The following BMP5 variants were observed in gnomAD, a reference collection of about 807,000 sequenced individuals.
BMP5 encodes bone morphogenetic protein 5.
BMP5 carries 23 observed loss-of-function variants against 46.6 expected under a neutral mutation model. That is an observed-to-expected ratio of 0.49 (90% CI 0.35 to 0.70). The LOEUF (loss-of-function observed/expected upper bound fraction) is 0.70, where lower values mean the gene tolerates loss of function less well. Ranked by LOEUF, BMP5 falls within the 30% of genes least tolerant of loss-of-function variation. The pLI is 0.00. For synonymous variants in BMP5, 204 were observed against 191.9 expected, an observed-to-expected ratio of 1.06 and a Z score of -0.52; for missense variants, 545 against 565.6, an observed-to-expected ratio of 0.96 and a Z score of 0.37.
At chr6:55,787,706 A>G (rs891299751) in intron 3 of BMP5, among the ~76,000 whole-genome samples, 14 of 151,706 alleles carry the variant, frequency 9.2e-5, no homozygotes, top group Admixed American at 6.6e-4. Context: ...AAAGGAGAGA[A>G]CACAGCAACA....
chr6:55,850,677 C>A (rs1424791835), intron 1 of BMP5, among the ~76,000 whole-genome samples: 1 of 152,292 alleles, frequency 6.6e-6, no homozygotes, highest in South Asian at 2.1e-4. Flanking sequence ...TTGATAAAGG[C>A]ACTGCCATTC....
intron 1 of BMP5, among the ~76,000 whole-genome samples, chr6:55,864,211 T>C (rs78652076): frequency 0.032 from 4,943 of 152,250 alleles, 109 homozygotes; most frequent in Non-Finnish European, 0.051. Context: ...CCCATCACAA[T>C]TAAAAATCTA....
At chr6:55,804,083 A>T (rs116090994) in intron 2 of BMP5, among the ~76,000 whole-genome samples, 2,920 of 152,308 alleles carry the variant, frequency 0.019, 88 homozygotes, top group African/African-American at 0.066. Flanking sequence ...ATCAATCACT[A>T]TCTAGCTTAC....
At position 55,874,759 on chromosome 6, in the gene BMP5, GA is replaced by G; in HGVS notation, c.106del (p.Ser36ProfsTer53). 6.2e-7 allele frequency: 1 copy of G among 1,613,310 alleles called. No individual in the cohort carries two copies. Among genetic ancestry groups the G allele is most frequent in the Non-Finnish European group, 8.5e-7 (1 of 1,179,592 alleles). ...CCGTAGTCTTCTATAAATAAAACTG[GA>G]GTGAACATGATTGTCTCCCAAACCT... ...KGGLGDNHVH[S>X]SFIYRRLRNH... On this transcript the variant is annotated frameshift_variant, in exon 1 of 7. Coordinates refer to ENST00000370830, the MANE Select transcript of BMP5 (RefSeq NM_021073.4). LOFTEE classifies it high-confidence loss of function.
intron 4 of BMP5, among the ~76,000 whole-genome samples, chr6:55,770,833 A>AGATG (rs1775031518): frequency 6.6e-6 from 1 of 151,942 alleles, no homozygotes; most frequent in Admixed American, 6.6e-5. Context: ...GAAGGGAAAG[A>AGATG]GATGGGGTAA....
At chr6:55,792,304 C>T (rs923996930) in intron 3 of BMP5, among the ~76,000 whole-genome samples, 1 of 152,048 alleles carries the variant, frequency 6.6e-6, no homozygotes, top group Non-Finnish European at 1.5e-5. Context: ...AAGGCCAAGG[C>T]GGGCGGATCA....
At position 55,807,491 on chromosome 6, in the gene BMP5, C is replaced by T. The variant is rs528936920; in HGVS notation, c.683+12164G>A. Among the ~76,000 whole-genome samples, 16 of 152,222 alleles carry T rather than the reference C, an allele frequency of 1.1e-4. No homozygotes were observed. In the East Asian group the frequency reaches 2.9e-3, roughly 28 times the overall value. ...AGTATTTTATTGAGGATTTTCACATCGATGTTCATTAGGGATATTGGCCTG... is the reference window on the plus strand; with the variant it reads ...AGTATTTTATTGAGGATTTTCACATTGATGTTCATTAGGGATATTGGCCTG... On this transcript the variant is annotated intron_variant, in intron 2 of 6. Transcript: ENST00000370830.
At position 55,803,527 on chromosome 6, in the gene BMP5, C is replaced by G. The variant is rs144422031; in HGVS notation, c.684-9100G>C. ...GAGTTGGGTAGTGGAATGGAAGCAG[C>G]ACCCAAGTTTATGATTGGATAATTG... On this transcript the variant is annotated intron_variant, in intron 2 of 6. Coordinates refer to ENST00000370830, the MANE Select transcript of BMP5 (RefSeq NM_021073.4). 3.3e-3 allele frequency among the ~76,000 whole-genome samples: 501 copies of G among 152,250 alleles called. 2 individuals carry two copies. The highest frequency in any genetic ancestry group is 0.011 in the African/African-American group (473 of 41,546).
At chr6:55,802,414 A>G (rs889116504) in intron 2 of BMP5, among the ~76,000 whole-genome samples, 2 of 152,196 alleles carry the variant, frequency 1.3e-5, no homozygotes, top group Non-Finnish European at 2.9e-5. Flanking sequence ...ATAGAGTACA[A>G]GAGATCACCT....
At chr6:55,774,317 G>A (rs1775119988) in intron 3 of BMP5, 74 bp from the exon 4 acceptor site, 1 of 1,445,514 alleles carries the variant, frequency 6.9e-7, no homozygotes, top group Non-Finnish European at 9.7e-7. Flanking sequence ...AATTCTGAGG[G>A]TACTTTGAAA....
chr6:55,755,935 C>T (rs867653314), intron 6 of BMP5, among the ~76,000 whole-genome samples: 33 of 151,940 alleles, frequency 2.2e-4, no homozygotes, highest in Middle Eastern at 6.8e-3. Context: ...AGAAAACTTC[C>T]TCTATAGAAT....
intron 1 of BMP5, among the ~76,000 whole-genome samples, chr6:55,846,780 T>C (rs1239537067): frequency 6.6e-6 from 1 of 151,660 alleles, no homozygotes; most frequent in Admixed American, 6.6e-5. Context: ...GATATTTGTA[T>C]TGTTTTATCC....
chr6:55,797,286 C>A (rs1775738554), intron 2 of BMP5, among the ~76,000 whole-genome samples: 3 of 152,120 alleles, frequency 2.0e-5, no homozygotes, highest in Admixed American at 2.0e-4. Flanking sequence ...GTAAAATATC[C>A]TAAGTATTTC....
chr6:55,771,480 C>A (rs1332202055), intron 4 of BMP5, among the ~76,000 whole-genome samples: 3 of 151,818 alleles, frequency 2.0e-5, no homozygotes, highest in Admixed American at 1.3e-4. Context: ...GTTCTATATA[C>A]CTTTACTTGA....
At chr6:55,855,232 T>C (rs1777361103) in intron 1 of BMP5, among the ~76,000 whole-genome samples, 4 of 152,068 alleles carry the variant, frequency 2.6e-5, no homozygotes, top group African/African-American at 9.7e-5. Context: ...TGTTTTTATT[T>C]TTATTCAATT....
chr6:55,841,386 CA>C (rs1322345770), intron 1 of BMP5, among the ~76,000 whole-genome samples: 6 of 151,764 alleles, frequency 4.0e-5, no homozygotes, highest in Admixed American at 2.6e-4. Context: ...TGTTTTTCTC[CA>C]AAAAAAATTT....
At chr6:55,818,978 A>C (rs1776345403) in intron 2 of BMP5, among the ~76,000 whole-genome samples, 1 of 152,158 alleles carries the variant, frequency 6.6e-6, no homozygotes, top group Non-Finnish European at 1.5e-5. Flanking sequence ...AGACAGATAG[A>C]TAGATAGATG....
intron 3 of BMP5, 103 bp from the exon 4 acceptor site, chr6:55,774,346 C>T (rs1341784112): frequency 4.5e-6 from 5 of 1,119,928 alleles, no homozygotes; most frequent in South Asian, 3.9e-5. Context: ...AGTTTTAAAA[C>T]ATTATCAGAA....
At chr6:55,785,451 A>C (rs1582063026) in intron 3 of BMP5, among the ~76,000 whole-genome samples, 1 of 150,162 alleles carries the variant, frequency 6.7e-6, no homozygotes, top group East Asian at 1.9e-4. Flanking sequence ...GGCAAATGAC[A>C]AAAAACTAAA....
Sources: allele counts gnomAD v4.1 joint callset (sites outside exome capture counted in the v4.1 genomes callset), GRCh38; gene constraint gnomAD v4.1.1; transcripts MANE v1.5; gene names NCBI Gene and HGNC (gene_info 2026-07-23, HGNC 2026-07-21).